The following CCSER1 variants were observed in gnomAD, a reference collection of about 807,000 sequenced individuals.
CCSER1 encodes serine-rich coiled-coil domain-containing protein 1.
CCSER1 carries 41 observed loss-of-function variants against 82.0 expected under a neutral mutation model. That is an observed-to-expected ratio of 0.50 (90% CI 0.39 to 0.65). The LOEUF (loss-of-function observed/expected upper bound fraction) is 0.65. Among genes scored for constraint, CCSER1 ranks in the 30% least tolerant of loss-of-function variants. The pLI is 0.00. For synonymous variants in CCSER1, 414 were observed against 383.9 expected (o/e 1.08, Z -0.92); for missense variants, 1,119 against 1,064.2 (o/e 1.05, Z -0.72).
chr4:90,715,755 T>C (rs1260274556), intron 6 of CCSER1, among the ~76,000 whole-genome samples: 1 of 152,060 alleles, frequency 6.6e-6, no homozygotes, highest in Non-Finnish European at 1.5e-5. Flanking sequence ...CTTATGTGGA[T>C]GTGTATACTG....
intron 7 of CCSER1, among the ~76,000 whole-genome samples, chr4:90,761,535 A>G (rs1302772797): frequency 5.3e-5 from 8 of 152,210 alleles, no homozygotes; most frequent in Non-Finnish European, 4.4e-5. Flanking sequence ...GGATATGTAT[A>G]AATTCGATTA....
chr4:90,957,716 A>G (rs1030753277), intron 9 of CCSER1, among the ~76,000 whole-genome samples: 1 of 142,286 alleles, frequency 7.0e-6, no homozygotes, highest in African/African-American at 2.6e-5. Context: ...ATATATATAT[A>G]TACCCACACA....
chr4:91,186,729 T>C (rs1282317291), intron 10 of CCSER1, among the ~76,000 whole-genome samples: 1 of 152,178 alleles, frequency 6.6e-6, no homozygotes, highest in Non-Finnish European at 1.5e-5. Flanking sequence ...AAAGTATCCC[T>C]TATGGGAAAT....
chr4:91,543,859 T>C (rs1578745718), intron 10 of CCSER1, among the ~76,000 whole-genome samples: 2 of 152,342 alleles, frequency 1.3e-5, no homozygotes, highest in South Asian at 4.1e-4. Context: ...CCTTGCTTGG[T>C]TGGGGAAGTT....
intron 10 of CCSER1, among the ~76,000 whole-genome samples, chr4:91,208,546 G>T (rs532993201): frequency 6.6e-6 from 1 of 151,928 alleles, no homozygotes; most frequent in Admixed American, 6.6e-5. Context: ...TAGGTATGTG[G>T]CTTTATTTTT....
chr4:91,102,830 G>A (rs1298785081), intron 10 of CCSER1, among the ~76,000 whole-genome samples: 2 of 152,144 alleles, frequency 1.3e-5, no homozygotes, highest in Non-Finnish European at 2.9e-5. Context: ...TATCAGAAAA[G>A]TATTTATTCA....
chr4:90,712,917 T>TTA (rs1553994143), intron 6 of CCSER1, among the ~76,000 whole-genome samples: 7 of 149,248 alleles, frequency 4.7e-5, no homozygotes, highest in South Asian at 2.1e-4. Flanking sequence ...TTTTTTTTTT[T>TTA]AATCATTGTT....
intron 9 of CCSER1, among the ~76,000 whole-genome samples, chr4:91,080,071 T>A (rs938388016): frequency 2.0e-5 from 3 of 152,148 alleles, no homozygotes; most frequent in Admixed American, 1.3e-4. Flanking sequence ...GCAGACCTCA[T>A]AGACATCTAC....
chr4:91,474,504 C>A (rs1343122961), intron 10 of CCSER1, among the ~76,000 whole-genome samples: 2 of 151,224 alleles, frequency 1.3e-5, no homozygotes, highest in East Asian at 3.9e-4. Flanking sequence ...AAACAAAATT[C>A]TTTGGGATAA....
chr4:91,472,286 T>G (rs947599760), intron 10 of CCSER1, among the ~76,000 whole-genome samples: 5 of 152,310 alleles, frequency 3.3e-5, no homozygotes, highest in Middle Eastern at 3.4e-3. Context: ...CCAAGACAGT[T>G]GTAAAACAAT....
intron 3 of CCSER1, among the ~76,000 whole-genome samples, chr4:90,355,189 C>T (rs1267820787): frequency 1.3e-5 from 2 of 151,902 alleles, no homozygotes. Context: ...AAACAATACA[C>T]ATGCTATAAA....
chr4:90,423,714 T>G (rs997020224), intron 4 of CCSER1, among the ~76,000 whole-genome samples: 13 of 151,730 alleles, frequency 8.6e-5, no homozygotes, highest in African/African-American at 2.9e-4. Context: ...TAACCTCAGG[T>G]GATCCGCCTG....
At chr4:91,169,728 C>A in intron 10 of CCSER1, among the ~76,000 whole-genome samples, 1 of 151,478 alleles carries the variant, frequency 6.6e-6, no homozygotes, top group East Asian at 1.9e-4. Flanking sequence ...GTGCATTAAG[C>A]TGTATATCAA....
intron 7 of CCSER1, among the ~76,000 whole-genome samples, chr4:90,759,859 T>G (rs1036842790): frequency 6.6e-6 from 1 of 152,162 alleles, no homozygotes; most frequent in Non-Finnish European, 1.5e-5. Flanking sequence ...GCAAAATTAT[T>G]AATTTCAAAA....
chr4:90,983,727 T>A (rs1293557362), intron 9 of CCSER1, among the ~76,000 whole-genome samples: 1 of 151,800 alleles, frequency 6.6e-6, no homozygotes, highest in Non-Finnish European at 1.5e-5. Flanking sequence ...GACATCCTTT[T>A]CTCACACACT....
chr4:90,448,416 ACTGC>A (rs1325108616), intron 4 of CCSER1, among the ~76,000 whole-genome samples: 2 of 131,764 alleles, frequency 1.5e-5, no homozygotes, highest in Non-Finnish European at 1.6e-5. Context: ...TATTTATCAG[ACTGC>A]TTTTTTTTTC....
intron 10 of CCSER1, among the ~76,000 whole-genome samples, chr4:91,172,574 C>T (rs547561374): frequency 6.6e-6 from 1 of 152,224 alleles, no homozygotes; most frequent in South Asian, 2.1e-4. Flanking sequence ...TCTCACATGC[C>T]GGGTGCTTTG....
chr4:90,350,789 C>G (rs1289004442), intron 3 of CCSER1, among the ~76,000 whole-genome samples: 1 of 152,006 alleles, frequency 6.6e-6, no homozygotes, highest in Admixed American at 6.6e-5. Context: ...TGAAGAAAAG[C>G]ATAGTCAACC....
At chr4:90,829,725 C>T (rs1384361212) in intron 8 of CCSER1, among the ~76,000 whole-genome samples, 1 of 152,092 alleles carries the variant, frequency 6.6e-6, no homozygotes, top group Admixed American at 6.6e-5. Context: ...TGAAGGTCTG[C>T]GAGAGAGTAG....
Sources: allele counts gnomAD v4.1 joint callset (sites outside exome capture counted in the v4.1 genomes callset), GRCh38; gene constraint gnomAD v4.1.1; transcripts MANE v1.5; gene names NCBI Gene and HGNC (gene_info 2026-07-23, HGNC 2026-07-21).